Variants in POM121 observed in about 807,000 individuals in gnomAD.
The protein encoded by POM121 is POM121 transmembrane nucleoporin.
A neutral mutation model predicts 81.3 loss-of-function variants in POM121; 32 were observed. The observed-to-expected ratio is 0.39, with a 90% CI of 0.30 to 0.53. The LOEUF is 0.53. Ranked by LOEUF, POM121 falls within the 20% of genes least tolerant of loss-of-function variation. The pLI is 0.66. For synonymous variants in POM121, 514 were observed against 694.2 expected (o/e 0.74, Z 4.08); for missense variants, 1,138 against 1,614.6 (o/e 0.70, Z 5.06).
chr7:72,918,164 G>C (rs1794467535), intron 4 of POM121, among the ~76,000 whole-genome samples: 1 of 152,244 alleles, frequency 6.6e-6, no homozygotes, highest in South Asian at 2.1e-4. Flanking sequence ...TAGGCCTCCA[G>C]ATAACTGCGG....
chr7:72,924,417 A>C (rs1554496615), upstream of POM121: 1 of 152,246 alleles, frequency 6.6e-6, no homozygotes, highest in East Asian at 1.9e-4. Context: ...GCAGACTACC[A>C]GACTTTTTAA....
In POM121 at chr7:72,912,562, G is replaced by A. The variant is rs533584661; in HGVS notation, c.-215-1203G>A. 2.6e-5 allele frequency among the ~76,000 whole-genome samples: 4 copies of A among 152,260 alleles called. No homozygotes were observed. The East Asian group carries it at 7.7e-4, about 29-fold the overall frequency. ...GAGGCCGAAGCAGGTGGATCATGAA[G>A]TCAGGAGATCGAGACCATCCTGGCC... On this transcript the variant is annotated intron_variant, in intron 3 of 15. Transcript: ENST00000395270.
At chr7:72,925,059 GA>G, upstream of POM121, 1 of 1,355,636 alleles carries the variant, frequency 7.4e-7, no homozygotes, top group East Asian at 3.1e-5. Flanking sequence ...GGCGCGCGAT[GA>G]CGCGACGCGC....
At position 72,943,419 on chromosome 7, in the gene POM121, C is replaced by G. The variant is rs782755719; in HGVS notation, c.3426C>G (p.Pro1142=). ...GQSGSTATST[P]FAGGLGQNAL... is the part of the protein sequence containing the mutation. The stretch of plus-strand genomic sequence containing the variant: ...GTGGGAGCACAGCCACCTCCACCCC[C>G]TTCGCAGGGGGCTTAGGTCAGAACG... The change falls in exon 11 of 13, where the codon CCC becomes CCG. Residue 1142 remains proline, a synonymous_variant. Coordinates refer to ENST00000434423, the MANE Select transcript of POM121 (RefSeq NM_001387691.1). The G allele has an allele frequency of 6.2e-7, 1 of 1,612,804 alleles. No homozygotes were observed. Among genetic ancestry groups the G allele is most frequent in the Non-Finnish European group, 8.5e-7 (1 of 1,179,578 alleles).
chr7:72,885,158 C>T (rs1476784930), intron 1 of POM121, among the ~76,000 whole-genome samples: 1 of 152,068 alleles, frequency 6.6e-6, no homozygotes, highest in African/African-American at 2.4e-5. Flanking sequence ...GATCTTTCTT[C>T]ATGATTAGAT....
rs188325197 is a variant in POM121 at position 72,930,566 on chromosome 7, A to T, written c.1275+455A>T. Among the ~76,000 whole-genome samples the T allele has an allele frequency of 1.8e-4, 27 of 152,258 alleles. 1 individual carries two copies. The East Asian group carries it at 3.3e-3, about 18-fold the overall frequency. The stretch of plus-strand genomic sequence containing the variant: ...AGTCCAGCTTGTATTGGGTCGTAAA[A>T]GAGATTTATCTTATAGGCGTTTAGA... On this transcript the variant is annotated intron_variant, in intron 5 of 12. Transcript: ENST00000434423.
chr7:72,918,173 G>A (rs1794468347), intron 4 of POM121, among the ~76,000 whole-genome samples: 1 of 152,148 alleles, frequency 6.6e-6, no homozygotes, highest in Admixed American at 6.5e-5. Flanking sequence ...AGATAACTGC[G>A]GGCAAGCCTG....
intron 1 of POM121, among the ~76,000 whole-genome samples, chr7:72,880,161 T>C (rs3873467): frequency 1.3e-5 from 2 of 152,196 alleles, no homozygotes; most frequent in Non-Finnish European, 2.9e-5. Flanking sequence ...TCCTCCTCTC[T>C]GTGCTCCAGA....
Position 72,926,404 on chromosome 7 carries a change from A to G in POM121, c.787A>G (p.Asn263Asp), listed in dbSNP as rs1450925153. The G allele has an allele frequency of 6.2e-7, 1 of 1,613,868 alleles. No individual in the cohort carries two copies. Among genetic ancestry groups the G allele is most frequent in the African/African-American group, 1.3e-5 (1 of 74,914 alleles). ...CAAGAAGGCTGTGCTGTCCCCTCGC[A>G]ACTCCAGGATGGTGTGTAGCCCAGT... ...YHKKAVLSPR[N>D]SRMVCSPVTV... The change falls in exon 2 of 13, where the codon AAC (asparagine) becomes GAC (aspartate). Residue 263 changes from asparagine to aspartate, a missense_variant. Transcript: ENST00000434423.
At chr7:72,881,278 C>CG (rs1790133791) in intron 1 of POM121, among the ~76,000 whole-genome samples, 1 of 150,624 alleles carries the variant, frequency 6.6e-6, no homozygotes, top group African/African-American at 2.4e-5. Context: ...CATGTTGGCC[C>CG]AGGCAGGCGG....
upstream of POM121, among the ~76,000 whole-genome samples, chr7:72,921,440 C>T (rs182335121): frequency 4.5e-4 from 68 of 152,316 alleles, no homozygotes; most frequent in Non-Finnish European, 8.5e-4. Context: ...CCATCTCAGC[C>T]TGATCTCTGC....
intron 4 of POM121, among the ~76,000 whole-genome samples, chr7:72,929,447 C>A (rs1459054488): frequency 6.6e-6 from 1 of 152,036 alleles, no homozygotes; most frequent in East Asian, 1.9e-4. Flanking sequence ...ATTTCTGTTT[C>A]CATTGGAGGT....
intron 4 of POM121, 130 bp downstream of exon 4, chr7:72,928,595 A>G: frequency 7.0e-6 from 8 of 1,144,758 alleles, no homozygotes; most frequent in Non-Finnish European, 1.0e-5. Context: ...CTTTGAAATT[A>G]GGAACGTTTT....
At chr7:72,899,912 G>C (rs1166231273) in intron 3 of POM121, among the ~76,000 whole-genome samples, 2 of 132,912 alleles carry the variant, frequency 1.5e-5, no homozygotes, top group Non-Finnish European at 3.5e-5. Flanking sequence ...TTGAGCACCA[G>C]ATTTTTATGA....
intron 4 of POM121, among the ~76,000 whole-genome samples, chr7:72,919,185 C>T (rs1417254614): frequency 4.1e-5 from 6 of 145,402 alleles, no homozygotes; most frequent in Admixed American, 2.1e-4. Context: ...GGATTACAGG[C>T]GTAAGCCACC....
At chr7:72,939,538 G>A in intron 7 of POM121, 129 bp downstream of exon 7, 3 of 1,399,114 alleles carry the variant, frequency 2.1e-6, no homozygotes, top group Non-Finnish European at 2.9e-6. Context: ...GATACAAAGA[G>A]AGAGATTTCC....
intron 1 of POM121, among the ~76,000 whole-genome samples, chr7:72,881,997 A>G (rs1388447142): frequency 6.6e-6 from 1 of 152,202 alleles, no homozygotes; most frequent in Non-Finnish European, 1.5e-5. Context: ...TTAGTGTGGC[A>G]GATCAGCACC....
At chr7:72,884,398 T>C (rs1427054755) in intron 1 of POM121, among the ~76,000 whole-genome samples, 2 of 151,694 alleles carry the variant, frequency 1.3e-5, no homozygotes, top group Non-Finnish European at 2.9e-5. Flanking sequence ...ATTAAGTGGT[T>C]CCATCTTTGG....
At chr7:72,884,782 G>A (rs1301332640) in intron 1 of POM121, among the ~76,000 whole-genome samples, 1 of 149,776 alleles carries the variant, frequency 6.7e-6, no homozygotes, top group African/African-American at 2.4e-5. Flanking sequence ...TTTTTTTTCT[G>A]AACTATTTGA....
Sources: allele counts gnomAD v4.1 joint callset (sites outside exome capture counted in the v4.1 genomes callset), GRCh38; gene constraint gnomAD v4.1.1; transcripts MANE v1.5; gene names NCBI Gene and HGNC (gene_info 2026-07-23, HGNC 2026-07-21).